EPHA6: variants seen among roughly 807,000 people sequenced by gnomAD.
EPHA6 encodes the protein EPH receptor A6, also known as ephrin type-A receptor 6.
Under a neutral mutation model 112.0 loss-of-function variants are expected in EPHA6, and 50 were observed. The ratio of observed to expected loss-of-function variants is 0.45; its 90% CI spans 0.36 to 0.56. The LOEUF is 0.56. EPHA6 is among the 20% of genes least tolerant of loss of function. The pLI, the probability that EPHA6 is intolerant of heterozygous loss-of-function variation, is 0.00. For missense variants in EPHA6, 1,280 were observed against 1,417.4 expected, an observed-to-expected ratio of 0.90 and a Z score of 1.56; for synonymous variants, 529 against 490.7, an observed-to-expected ratio of 1.08 and a Z score of -1.03.
At chr3:97,732,834 A>G (rs2035096238) in intron 15 of EPHA6, among the ~76,000 whole-genome samples, 1 of 151,732 alleles carries the variant, frequency 6.6e-6, no homozygotes, top group African/African-American at 2.4e-5. Context: ...TATCACTGTC[A>G]CTCTTGCTGT....
At chr3:97,132,593 G>GA (rs917975158) in intron 3 of EPHA6, among the ~76,000 whole-genome samples, 1 of 151,876 alleles carries the variant, frequency 6.6e-6, no homozygotes, top group Non-Finnish European at 1.5e-5. Flanking sequence ...AGGATATTAT[G>GA]AAAAAATGTC....
chr3:97,743,951 C>T (rs9822683), intron 16 of EPHA6, among the ~76,000 whole-genome samples: 75,949 of 151,570 alleles, frequency 0.5, 19,423 homozygotes, highest in African/African-American at 0.61. Flanking sequence ...TAAGTTAAAA[C>T]GCTAGTACTA....
chr3:97,140,428 A>G (rs1390384097), intron 3 of EPHA6, among the ~76,000 whole-genome samples: 1 of 152,122 alleles, frequency 6.6e-6, no homozygotes, highest in Admixed American at 6.5e-5. Flanking sequence ...AATTTTAAAA[A>G]CAGAGAGAAG....
intron 2 of EPHA6, among the ~76,000 whole-genome samples, chr3:96,950,775 A>G (rs1350506089): frequency 6.6e-6 from 1 of 152,102 alleles, no homozygotes; most frequent in Non-Finnish European, 1.5e-5. Context: ...ATTGCTATAT[A>G]CACATCATAA....
intron 1 of EPHA6, among the ~76,000 whole-genome samples, chr3:96,825,735 G>A (rs2033615026): frequency 6.6e-6 from 1 of 151,886 alleles, no homozygotes; most frequent in East Asian, 1.9e-4. Context: ...CCCGTGATTA[G>A]CTGTTGACAT....
chr3:97,677,618 G>A (rs898655237), intron 14 of EPHA6, among the ~76,000 whole-genome samples: 2 of 151,906 alleles, frequency 1.3e-5, no homozygotes, highest in Admixed American at 6.6e-5. Context: ...CTATTTGGGT[G>A]GTTGAGGCAG....
chr3:96,938,913 G>T (rs2107679389), intron 2 of EPHA6, among the ~76,000 whole-genome samples: 1 of 152,286 alleles, frequency 6.6e-6, no homozygotes, highest in East Asian at 1.9e-4. Context: ...TACATTTATT[G>T]ATTTGTATGT....
chr3:97,437,312 A>T (rs1390917181), intron 6 of EPHA6, among the ~76,000 whole-genome samples: 2 of 152,144 alleles, frequency 1.3e-5, no homozygotes, highest in Admixed American at 1.3e-4. Flanking sequence ...CGCATCCCAA[A>T]ATTAGATATA....
At chr3:97,599,100 T>G (rs893954198) in intron 12 of EPHA6, among the ~76,000 whole-genome samples, 2 of 152,180 alleles carry the variant, frequency 1.3e-5, no homozygotes, top group African/African-American at 2.4e-5. Context: ...TTTGCCCACT[T>G]TTTGATGGGG....
At chr3:97,369,594 C>T (rs886662700) in intron 5 of EPHA6, among the ~76,000 whole-genome samples, 1 of 152,006 alleles carries the variant, frequency 6.6e-6, no homozygotes, top group African/African-American at 2.4e-5. Flanking sequence ...GAGCTTCTTG[C>T]CTTTAACCTG....
intron 1 of EPHA6, among the ~76,000 whole-genome samples, chr3:96,843,133 C>T (rs1257626701): frequency 2.6e-5 from 4 of 151,968 alleles, no homozygotes; most frequent in African/African-American, 9.7e-5. Flanking sequence ...TCAGCTTGTC[C>T]AAGTAAAGAT....
At chr3:96,941,676 G>C (rs535735684) in intron 2 of EPHA6, among the ~76,000 whole-genome samples, 1 of 152,290 alleles carries the variant, frequency 6.6e-6, no homozygotes, top group African/African-American at 2.4e-5. Flanking sequence ...GAGGTGCTCT[G>C]CTTTTTAGAG....
intron 2 of EPHA6, among the ~76,000 whole-genome samples, chr3:96,939,368 T>G (rs2040800681): frequency 6.6e-6 from 1 of 152,250 alleles, no homozygotes; most frequent in Admixed American, 6.5e-5. Flanking sequence ...TATCCACTTC[T>G]TCTAGATTTT....
At chr3:97,279,768 G>A (rs2080223012) in intron 5 of EPHA6, among the ~76,000 whole-genome samples, 1 of 152,188 alleles carries the variant, frequency 6.6e-6, no homozygotes, top group Non-Finnish European at 1.5e-5. Context: ...TAGAAAAAAG[G>A]TCAGAGATAT....
At chr3:97,639,263 A>G (rs923969745) in intron 14 of EPHA6, among the ~76,000 whole-genome samples, 1 of 151,980 alleles carries the variant, frequency 6.6e-6, no homozygotes, top group Non-Finnish European at 1.5e-5. Context: ...AGTTCTGAAA[A>G]CAATTTGTGC....
intron 2 of EPHA6, among the ~76,000 whole-genome samples, chr3:96,952,283 T>G (rs921101988): frequency 6.6e-6 from 1 of 152,202 alleles, no homozygotes; most frequent in Non-Finnish European, 1.5e-5. Context: ...TGGATGTGTC[T>G]TGTTCCCACT....
chr3:97,537,057 T>C (rs1353808793), intron 11 of EPHA6, among the ~76,000 whole-genome samples: 3 of 151,940 alleles, frequency 2.0e-5, no homozygotes, highest in South Asian at 4.1e-4. Context: ...GATGACCCAA[T>C]AAGAAAATAG....
At chr3:97,315,966 T>A (rs1365972025) in intron 5 of EPHA6, among the ~76,000 whole-genome samples, 4 of 151,710 alleles carry the variant, frequency 2.6e-5, no homozygotes, top group Non-Finnish European at 5.9e-5. Flanking sequence ...TTCATTAAAG[T>A]CAGGCCTGTT....
At chr3:97,254,292 GA>G (rs1294397202) in intron 5 of EPHA6, among the ~76,000 whole-genome samples, 1 of 152,070 alleles carries the variant, frequency 6.6e-6, no homozygotes, top group Non-Finnish European at 1.5e-5. Flanking sequence ...GGGTTCAAGC[GA>G]TTCTCTTGCC....
Sources: gnomAD v4.1 joint callset for allele counts (sites outside exome capture counted in the v4.1 genomes callset) on GRCh38, gnomAD v4.1.1 for gene constraint, MANE v1.5 for transcripts, NCBI Gene and HGNC (gene_info 2026-07-23, HGNC 2026-07-21) for gene names.